Variants in SEC22C observed in about 807,000 individuals in gnomAD.
SEC22C encodes the protein SEC22 homolog C, vesicle trafficking protein.
Under a neutral mutation model 34.7 loss-of-function variants are expected in SEC22C, and 29 were observed. The ratio of observed to expected loss-of-function variants is 0.84; its 90% CI spans 0.62 to 1.14. The LOEUF (loss-of-function observed/expected upper bound fraction) is 1.14. Among genes scored for constraint, SEC22C ranks in the 50% most tolerant of loss-of-function variants. The pLI, the probability that SEC22C is intolerant of heterozygous loss-of-function variation, is 0.00. For synonymous variants in SEC22C, 117 were observed against 132.8 expected, an observed-to-expected ratio of 0.88 and a Z score of 0.82; for missense variants, 337 against 369.0, an observed-to-expected ratio of 0.91 and a Z score of 0.71.
chr3:42,598,149 A>G (rs1705086177), intron 1 of SEC22C, among the ~76,000 whole-genome samples: 1 of 152,212 alleles, frequency 6.6e-6, no homozygotes, highest in African/African-American at 2.4e-5. Context: ...TACTATTTAC[A>G]ACAGCCAAAA....
intron 4 of SEC22C, 23 bp downstream of exon 4, chr3:42,561,094 T>C (rs766392798): frequency 1.0e-5 from 16 of 1,602,582 alleles, no homozygotes; most frequent in Middle Eastern, 1.7e-4. Flanking sequence ...TTCATCAACA[T>C]CAGGGAACAA....
chr3:42,600,868 G>A lies in SEC22C; in HGVS notation c.-28+92C>T, dbSNP rs563596611. On this transcript the variant is annotated intron_variant, in intron 1 of 6. Transcript: ENST00000417572. ...CCTCGTCTTGGCCTCCTGCGCTGTC[G>A]CGACGGGCCGGCGTGAGGCACCGTG... 62 of 596,150 alleles carry A rather than the reference G, an allele frequency of 1.0e-4. No individual in the cohort carries two copies. In the African/African-American group the frequency reaches 1.1e-3, roughly 11 times the overall value. The allele number at this position is 596,150 out of a possible 1,614,324, so 36.9% of individuals were successfully genotyped here.
At chr3:42,575,478 A>C (rs992773838) in intron 1 of SEC22C, among the ~76,000 whole-genome samples, 2 of 152,246 alleles carry the variant, frequency 1.3e-5, no homozygotes, top group Non-Finnish European at 2.9e-5. Flanking sequence ...AGCAAGAGTT[A>C]TATTATCATC....
Position 42,578,539 on chromosome 3 carries a change from T to TACACACAC in SEC22C, c.-28+3299_-28+3306dup, listed in dbSNP as rs66708395. Among the ~76,000 whole-genome samples, 122 of 146,782 alleles carry TACACACAC rather than the reference T, an allele frequency of 8.3e-4. No homozygotes were observed. The East Asian group carries it at 0.011, about 14-fold the overall frequency. On this transcript the variant is annotated intron_variant, in intron 1 of 6. Transcript: ENST00000264454. Reference sequence around the variant, plus strand: ...TCTACACACGATAAAGTGACAGTACTACACACACACACACACACACACACA... The same window carrying TACACACAC: ...TCTACACACGATAAAGTGACAGTACTACACACACACACACACACACACACACACACACA...
upstream of SEC22C, chr3:42,582,204 G>C (rs1286195568): frequency 6.6e-6 from 1 of 152,262 alleles, no homozygotes; most frequent in Non-Finnish European, 1.5e-5. Context: ...GCGGCGGTTT[G>C]AGATCCAAGC....
chr3:42,590,982 G>A, intron 1 of SEC22C: 2 of 1,335,442 alleles, frequency 1.5e-6, no homozygotes, highest in Non-Finnish European at 2.0e-6. Flanking sequence ...CATCCACGCG[G>A]GCGGGCGGGC....
intron 1 of SEC22C, among the ~76,000 whole-genome samples, chr3:42,593,910 C>A (rs1035079016): frequency 1.3e-5 from 2 of 151,954 alleles, no homozygotes; most frequent in Non-Finnish European, 2.9e-5. Context: ...AGGAGTGTGC[C>A]GGATATCTTC....
At chr3:42,573,201 TAAA>T (rs1347231677) in intron 1 of SEC22C, among the ~76,000 whole-genome samples, 1 of 152,002 alleles carries the variant, frequency 6.6e-6, no homozygotes, top group Non-Finnish European at 1.5e-5. Context: ...ACAGAAGATA[TAAA>T]AACTAAATGG....
chr3:42,594,688 A>G, intron 1 of SEC22C: 1 of 495,128 alleles, frequency 2.0e-6, no homozygotes, highest in East Asian at 3.2e-5. Flanking sequence ...ACTTAGCTGT[A>G]TTCTCATGTA....
chr3:42,554,000 G>C (rs1399493132), intron 6 of SEC22C, among the ~76,000 whole-genome samples: 2 of 152,168 alleles, frequency 1.3e-5, no homozygotes, highest in African/African-American at 4.8e-5. Flanking sequence ...ACAGCAGGGA[G>C]AGTGACTGGT....
chr3:42,589,982 T>C (rs533281401), intron 1 of SEC22C, among the ~76,000 whole-genome samples: 82 of 152,318 alleles, frequency 5.4e-4, no homozygotes, highest in African/African-American at 1.9e-3. Context: ...GTGAGAGTTC[T>C]AAAGCCAGGC....
upstream of SEC22C, among the ~76,000 whole-genome samples, chr3:42,585,838 C>A (rs1160771476): frequency 6.6e-6 from 1 of 152,186 alleles, no homozygotes; most frequent in East Asian, 1.9e-4. Flanking sequence ...AGGTCCTCAA[C>A]ACCTTTCAGC....
chr3:42,564,295 T>C (rs1365213393), intron 2 of SEC22C: 1 of 197,508 alleles, frequency 5.1e-6, no homozygotes, highest in Non-Finnish European at 1.0e-5. Flanking sequence ...TCATTTCAAG[T>C]TCAGGGTACA....
At chr3:42,598,696 CAG>C (rs1393571336) in intron 1 of SEC22C, among the ~76,000 whole-genome samples, 1 of 151,798 alleles carries the variant, frequency 6.6e-6, no homozygotes, top group Non-Finnish European at 1.5e-5. Context: ...GACAAATTTA[CAG>C]AGAGAAAGTA....
intron 1 of SEC22C, among the ~76,000 whole-genome samples, chr3:42,589,233 C>T (rs931242848): frequency 6.6e-6 from 1 of 151,794 alleles, no homozygotes; most frequent in Non-Finnish European, 1.5e-5. Flanking sequence ...CACACCACTG[C>T]ACTCCAGCCT....
intron 3 of SEC22C, among the ~76,000 whole-genome samples, chr3:42,562,876 GGA>G (rs1458123738): frequency 1.2e-4 from 19 of 152,292 alleles, no homozygotes; most frequent in African/African-American, 4.3e-4. Flanking sequence ...TCTGGGTCAA[GGA>G]ACTGTTTTTT....
At chr3:42,555,668 G>C (rs1275650852) in intron 6 of SEC22C, among the ~76,000 whole-genome samples, 4 of 152,136 alleles carry the variant, frequency 2.6e-5, no homozygotes, top group Non-Finnish European at 5.9e-5. Flanking sequence ...CAAACTGCTG[G>C]TTTCTGTTCT....
Position 42,553,234 on chromosome 3 carries a change from T to C in SEC22C, c.*14A>G. On this transcript the variant is annotated 3_prime_UTR_variant, in exon 7 of 7. Coordinates refer to ENST00000264454, the MANE Select transcript of SEC22C (RefSeq NM_032970.4). ...AAAAGAAAATCAAAGAATCCATTCA[T>C]CACAGTGTCATCCTCATACTCCACA... 7.4e-6 allele frequency: 12 copies of C among 1,613,650 alleles called. No homozygotes were observed. The highest frequency in any genetic ancestry group is 1.0e-5 in the Non-Finnish European group (12 of 1,179,940).
At chr3:42,594,567 T>C in intron 1 of SEC22C, 2 of 1,434,268 alleles carry the variant, frequency 1.4e-6, no homozygotes, top group Non-Finnish European at 2.0e-6. Flanking sequence ...TAATTGAATG[T>C]AATCCATCTC....
Sources: allele counts gnomAD v4.1 joint callset (sites outside exome capture counted in the v4.1 genomes callset), GRCh38; gene constraint gnomAD v4.1.1; transcripts MANE v1.5; gene names NCBI Gene and HGNC (gene_info 2026-07-23, HGNC 2026-07-21).